Variants in TBC1D4 observed in about 807,000 individuals in gnomAD.
TBC1D4 encodes the protein TBC1 domain family member 4.
TBC1D4 carries 121 observed loss-of-function variants against 142.5 expected under a neutral mutation model. That is an observed-to-expected ratio of 0.85 (90% CI 0.73 to 0.99). The LOEUF (loss-of-function observed/expected upper bound fraction) is 0.99. Ranked by LOEUF, TBC1D4 falls within the 50% of genes least tolerant of loss-of-function variation. TBC1D4 has a pLI of 0.00. For missense variants in TBC1D4, 1,475 were observed against 1,606.6 expected (o/e 0.92, Z 1.40); for synonymous variants, 630 against 628.2 (o/e 1.00, Z -0.04).
chr13:75,470,576 G>C (rs1321299269), intron 1 of TBC1D4, among the ~76,000 whole-genome samples: 1 of 152,152 alleles, frequency 6.6e-6, no homozygotes, highest in East Asian at 1.9e-4. Context: ...GTGATTAGGT[G>C]CTATTTTTAT....
chr13:75,421,909 C>T (rs1004726342), intron 1 of TBC1D4, among the ~76,000 whole-genome samples: 7 of 152,142 alleles, frequency 4.6e-5, no homozygotes, highest in African/African-American at 1.4e-4. Flanking sequence ...TCCATTTCCT[C>T]CCCATACATG....
chr13:75,332,335 G>A (rs1222218684), intron 8 of TBC1D4, among the ~76,000 whole-genome samples: 1 of 152,156 alleles, frequency 6.6e-6, no homozygotes, highest in African/African-American at 2.4e-5. Flanking sequence ...TCACAAATGG[G>A]AAAACTATGG....
At chr13:75,421,570 G>T (rs1225410506) in intron 1 of TBC1D4, among the ~76,000 whole-genome samples, 1 of 152,088 alleles carries the variant, frequency 6.6e-6, no homozygotes, top group African/African-American at 2.4e-5. Flanking sequence ...TTTTTGCTAA[G>T]AACAATTATA....
chr13:75,436,651 T>A (rs1237811960), intron 1 of TBC1D4, among the ~76,000 whole-genome samples: 3 of 147,610 alleles, frequency 2.0e-5, no homozygotes, highest in Non-Finnish European at 4.4e-5. Context: ...AGTGAGACCC[T>A]GTCTCCAAAA....
chr13:75,446,396 G>A (rs1887287300), intron 1 of TBC1D4, among the ~76,000 whole-genome samples: 3 of 152,104 alleles, frequency 2.0e-5, no homozygotes, highest in Admixed American at 1.3e-4. Context: ...GTTTATTTGT[G>A]CTGTGCTTCT....
chr13:75,395,222 G>A (rs9573537), intron 1 of TBC1D4, among the ~76,000 whole-genome samples: 52,668 of 152,036 alleles, frequency 0.35, 9,721 homozygotes, highest in African/African-American at 0.43. Context: ...GATAAGGGTA[G>A]GCATAAAACA....
chr13:75,300,878 T>C (rs943471014), intron 16 of TBC1D4, among the ~76,000 whole-genome samples: 1 of 152,212 alleles, frequency 6.6e-6, no homozygotes, highest in African/African-American at 2.4e-5. Context: ...GTAGAGAGGA[T>C]GGACGCTCAG....
intron 1 of TBC1D4, among the ~76,000 whole-genome samples, chr13:75,407,328 T>C (rs1015946346): frequency 1.3e-5 from 2 of 152,228 alleles, no homozygotes; most frequent in African/African-American, 4.8e-5. Flanking sequence ...GGACAATATC[T>C]TCTGTTTTTG....
intron 1 of TBC1D4, among the ~76,000 whole-genome samples, chr13:75,424,907 C>T (rs1000079652): frequency 1.8e-4 from 28 of 152,094 alleles, no homozygotes; most frequent in African/African-American, 5.8e-4. Flanking sequence ...AATTGTAAAA[C>T]TACCAGAAGC....
chr13:75,399,122 A>T (rs1884952580), intron 1 of TBC1D4, among the ~76,000 whole-genome samples: 1 of 152,166 alleles, frequency 6.6e-6, no homozygotes, highest in Non-Finnish European at 1.5e-5. Context: ...CAGGCGGATC[A>T]CGAGGTCAGG....
chr13:75,433,016 C>A (rs1886653816), intron 1 of TBC1D4, among the ~76,000 whole-genome samples: 2 of 151,304 alleles, frequency 1.3e-5, no homozygotes, highest in Admixed American at 1.3e-4. Flanking sequence ...AGGATTAGAG[C>A]AAATAACTGA....
At chr13:75,402,513 T>C (rs1195236886) in intron 1 of TBC1D4, among the ~76,000 whole-genome samples, 1 of 152,150 alleles carries the variant, frequency 6.6e-6, no homozygotes, top group Non-Finnish European at 1.5e-5. Flanking sequence ...AAAAAAAGGA[T>C]AAGAAATTTT....
At chr13:75,475,024 A>C (rs1206202110) in intron 1 of TBC1D4, among the ~76,000 whole-genome samples, 1 of 152,226 alleles carries the variant, frequency 6.6e-6, no homozygotes, top group South Asian at 2.1e-4. Flanking sequence ...CTGTGAAGCT[A>C]AAGGGTGATC....
At chr13:75,430,784 C>T (rs1032323001) in intron 1 of TBC1D4, among the ~76,000 whole-genome samples, 1 of 152,100 alleles carries the variant, frequency 6.6e-6, no homozygotes, top group African/African-American at 2.4e-5. Flanking sequence ...AGGGTTCCTC[C>T]GGTACAGCAC....
chr13:75,473,811 CCT>C (rs1283941188), intron 1 of TBC1D4, among the ~76,000 whole-genome samples: 1 of 151,938 alleles, frequency 6.6e-6, no homozygotes, highest in African/African-American at 2.4e-5. Context: ...ATATTTTGTC[CCT>C]GTCATATAAT....
At chr13:75,360,775 T>C (rs1487014062) in intron 2 of TBC1D4, among the ~76,000 whole-genome samples, 2 of 151,936 alleles carry the variant, frequency 1.3e-5, no homozygotes, top group African/African-American at 2.4e-5. Flanking sequence ...TTACTCTGAA[T>C]TTACTTTTGA....
chr13:75,459,408 G>A (rs1431379771), intron 1 of TBC1D4, among the ~76,000 whole-genome samples: 1 of 152,028 alleles, frequency 6.6e-6, no homozygotes, highest in African/African-American at 2.4e-5. Flanking sequence ...TCATAAATGT[G>A]TGTTTTTATG....
chr13:75,464,619 G>A (rs1180123894), intron 1 of TBC1D4, among the ~76,000 whole-genome samples: 1 of 152,234 alleles, frequency 6.6e-6, no homozygotes, highest in African/African-American at 2.4e-5. Context: ...CTGGGTGTGT[G>A]TCTTTAATTC....
chr13:75,338,172 G>A (rs1880381511), intron 7 of TBC1D4, among the ~76,000 whole-genome samples: 1 of 151,836 alleles, frequency 6.6e-6, no homozygotes, highest in Non-Finnish European at 1.5e-5. Flanking sequence ...CTGAACTCGA[G>A]GCTTCAGCAC....
Sources: gnomAD v4.1 joint callset for allele counts (sites outside exome capture counted in the v4.1 genomes callset) on GRCh38, gnomAD v4.1.1 for gene constraint, MANE v1.5 for transcripts, NCBI Gene and HGNC (gene_info 2026-07-23, HGNC 2026-07-21) for gene names.